TMEM232: variants seen among roughly 807,000 people sequenced by gnomAD.
TMEM232 encodes transmembrane protein 232.
TMEM232 carries 80 observed loss-of-function variants against 78.8 expected under a neutral mutation model. That is an observed-to-expected ratio of 1.01 (90% confidence interval 0.85 to 1.22). The LOEUF is 1.22. Among genes scored for constraint, TMEM232 ranks in the 50% most tolerant of loss-of-function variants. TMEM232 has a pLI of 0.00. For missense variants in TMEM232, 881 were observed against 742.2 expected, an observed-to-expected ratio of 1.19 and a Z score of -2.17; for synonymous variants, 297 against 254.3, an observed-to-expected ratio of 1.17 and a Z score of -1.60.
intron 12 of TMEM232, among the ~76,000 whole-genome samples, chr5:110,461,311 G>T (rs1761503630): frequency 6.6e-6 from 1 of 152,104 alleles, no homozygotes; most frequent in Non-Finnish European, 1.5e-5. Context: ...TCATGGTCTG[G>T]ATAGAGGATG....
At chr5:110,547,729 G>A (rs1354474405) in intron 11 of TMEM232, among the ~76,000 whole-genome samples, 1 of 152,022 alleles carries the variant, frequency 6.6e-6, no homozygotes, top group Non-Finnish European at 1.5e-5. Flanking sequence ...CAGGCACGAT[G>A]GCTCACACCT....
chr5:110,454,529 A>T (rs1760682512), intron 12 of TMEM232, among the ~76,000 whole-genome samples: 1 of 152,122 alleles, frequency 6.6e-6, no homozygotes, highest in African/African-American at 2.4e-5. Flanking sequence ...AGATATATGG[A>T]AAATGACTAA....
intron 12 of TMEM232, among the ~76,000 whole-genome samples, chr5:110,467,590 G>GCAAA (rs1226880911): frequency 6.6e-6 from 1 of 152,038 alleles, no homozygotes; most frequent in East Asian, 1.9e-4. Context: ...AAAAAGCTTT[G>GCAAA]CAAACAAAAG....
chr5:110,594,229 G>A (rs1474093306), intron 10 of TMEM232, among the ~76,000 whole-genome samples: 2 of 151,988 alleles, frequency 1.3e-5, no homozygotes, highest in South Asian at 2.1e-4. Context: ...CCCTAGCCAG[G>A]AGAAGCCCCG....
intron 11 of TMEM232, among the ~76,000 whole-genome samples, chr5:110,531,519 C>T (rs1045676727): frequency 6.6e-6 from 1 of 152,162 alleles, no homozygotes; most frequent in African/African-American, 2.4e-5. Flanking sequence ...CTCTCACTAT[C>T]CCTCAATCTC....
chr5:110,684,054 C>T (rs1422487), intron 1 of TMEM232, among the ~76,000 whole-genome samples: 148,088 of 152,024 alleles, frequency 0.97, 72,217 homozygotes, highest in Non-Finnish European at 1. Flanking sequence ...AAGCTAAGAA[C>T]AGTTCTCCTT....
At chr5:110,491,449 G>A (rs559282719) in intron 12 of TMEM232, among the ~76,000 whole-genome samples, 1 of 152,068 alleles carries the variant, frequency 6.6e-6, no homozygotes, top group East Asian at 1.9e-4. Context: ...GTCCAGAATA[G>A]GCAAATCCAC....
chr5:110,484,226 A>G (rs1764219739), intron 12 of TMEM232, among the ~76,000 whole-genome samples: 1 of 152,172 alleles, frequency 6.6e-6, no homozygotes, highest in Admixed American at 6.6e-5. Flanking sequence ...AAATGACAGA[A>G]TCGTTTGTAT....
At chr5:110,591,125 T>G (rs1015501340) in intron 10 of TMEM232, among the ~76,000 whole-genome samples, 1 of 152,178 alleles carries the variant, frequency 6.6e-6, no homozygotes, top group Non-Finnish European at 1.5e-5. Flanking sequence ...TTAAATTGTT[T>G]CTTTGTAATA....
At position 110,568,593 on chromosome 5, in the gene TMEM232, AGC is replaced by A; in HGVS notation, c.1307_1308del (p.Gly436ValfsTer4). On this transcript the variant is annotated frameshift_variant, in exon 11 of 14. Transcript: ENST00000455884. LOFTEE classifies it high-confidence loss of function. ...GAAATTTTCACCAGGTTATACACTA[AGC>A]CATAGTAACCAGTCCAGACTACTTG... ...CDQVVWTGYY[G>X]LVYNLVKISW... 3.2e-6 allele frequency: 5 copies of A among 1,548,746 alleles called. No homozygotes were observed. The highest frequency in any genetic ancestry group is 4.4e-6 in the Non-Finnish European group (5 of 1,145,584).
intron 12 of TMEM232, among the ~76,000 whole-genome samples, chr5:110,524,285 A>T: frequency 6.8e-6 from 1 of 148,104 alleles, no homozygotes; most frequent in African/African-American, 2.5e-5. Context: ...AGGAAAAGAG[A>T]GAGAGGGAGA....
intron 1 of TMEM232, among the ~76,000 whole-genome samples, chr5:110,691,109 T>A (rs189286340): frequency 1.8e-4 from 27 of 146,144 alleles, no homozygotes; most frequent in Middle Eastern, 7.2e-3. Context: ...CAAACCCACA[T>A]GTTCTGCACA....
intron 11 of TMEM232, among the ~76,000 whole-genome samples, chr5:110,564,110 TCCTA>T (rs1483169909): frequency 6.6e-6 from 1 of 152,026 alleles, no homozygotes; most frequent in African/African-American, 2.4e-5. Context: ...TAATTGCCCT[TCCTA>T]CCTATTAACA....
At chr5:110,669,967 T>A (rs1045962493) in intron 1 of TMEM232, among the ~76,000 whole-genome samples, 1 of 152,134 alleles carries the variant, frequency 6.6e-6, no homozygotes, top group African/African-American at 2.4e-5. Context: ...AATTAGGTAT[T>A]GATGGGACAT....
intron 10 of TMEM232, among the ~76,000 whole-genome samples, chr5:110,599,658 T>G (rs1780648233): frequency 6.6e-6 from 1 of 152,060 alleles, no homozygotes; most frequent in African/African-American, 2.4e-5. Flanking sequence ...AGCCCTCAGA[T>G]TCATAAAGCA....
At position 110,718,665 on chromosome 5, in the gene TMEM232, T is replaced by C. The variant is rs148471902; in HGVS notation, c.-13+7962A>G. On this transcript the variant is annotated intron_variant, in intron 1 of 13. Transcript: ENST00000455884. ...TAGTGTTTGTGAAGTTTTTTGCCAT[T>C]ATCTCCTTGAATATTTTTTATACTC... Among the ~76,000 whole-genome samples the C allele has an allele frequency of 9.2e-5, 14 of 152,162 alleles. No homozygotes were observed. In the East Asian group the frequency reaches 2.3e-3, roughly 25 times the overall value.
chr5:110,668,880 T>G (rs1790970647), intron 1 of TMEM232, among the ~76,000 whole-genome samples: 1 of 152,174 alleles, frequency 6.6e-6, no homozygotes, highest in Admixed American at 6.5e-5. Context: ...TAATGATTAC[T>G]GGGTACATAA....
chr5:110,459,408 T>A (rs1301528142), intron 12 of TMEM232, among the ~76,000 whole-genome samples: 2 of 152,154 alleles, frequency 1.3e-5, no homozygotes, highest in East Asian at 3.8e-4. Flanking sequence ...AAAGGTTTTT[T>A]AATCTTAGGA....
intron 1 of TMEM232, among the ~76,000 whole-genome samples, chr5:110,685,097 A>C (rs1323525835): frequency 6.6e-6 from 1 of 152,150 alleles, no homozygotes; most frequent in Non-Finnish European, 1.5e-5. Context: ...GGAAATAAAA[A>C]ACACTAATTC....
Sources: gnomAD v4.1 joint callset for allele counts (sites outside exome capture counted in the v4.1 genomes callset) on GRCh38, gnomAD v4.1.1 for gene constraint, MANE v1.5 for transcripts, NCBI Gene and HGNC (gene_info 2026-07-23, HGNC 2026-07-21) for gene names.